Variants in SCGB3A2 observed in about 807,000 individuals in gnomAD.
SCGB3A2 encodes pneumo secretory protein 1.
Under a neutral mutation model 7.7 loss-of-function variants are expected in SCGB3A2, and 5 were observed. That is an observed-to-expected ratio of 0.65 (90% CI 0.34 to 1.36). The LOEUF (loss-of-function observed/expected upper bound fraction) is 1.36. Ranked by LOEUF, SCGB3A2 falls within the 40% of genes most tolerant of loss-of-function variation. The pLI is 0.04. For missense variants in SCGB3A2, 109 were observed against 103.6 expected (o/e 1.05, Z -0.23); for synonymous variants, 44 against 42.7 (o/e 1.03, Z -0.12).
Position 147,878,738 on chromosome 5 carries a change from G to A in SCGB3A2, c.-66G>A. On this transcript the variant is annotated 5_prime_UTR_variant, in exon 1 of 3. Transcript: ENST00000296694. ...ACTTTGTATGGCAAGTGGAACCACT[G>A]GCTTGGTGGATTTTGCTAGATTTTT... 1 of 1,260,982 alleles carries A rather than the reference G, an allele frequency of 7.9e-7. No homozygotes were observed. The allele number at this position is 1,260,982 out of a possible 1,614,324, so 78.1% of individuals were successfully genotyped here. A position where few individuals can be genotyped will look rare whatever the true frequency, so the allele number is the denominator to read the frequency against.
At chr5:147,878,937 C>A (rs1757303231) in intron 1 of SCGB3A2, 79 bp downstream of exon 1, 1 of 967,048 alleles carries the variant, frequency 1.0e-6, no homozygotes, top group South Asian at 1.4e-5. Context: ...GTAAGCCTTG[C>A]CTCACTGACA....
Position 147,881,452 on chromosome 5 carries a change from C to T in SCGB3A2, c.62C>T (p.Ala21Val). The change falls in exon 2 of 3, where the codon GCC (alanine) becomes GTC (valine). Residue 21 changes from alanine to valine, a missense_variant. Ala to Val is a moderately conservative substitution (Grantham distance 64, BLOSUM62 0). Coordinates refer to ENST00000296694, the MANE Select transcript of SCGB3A2 (RefSeq NM_054023.5). ...TISLCSYSATAFLINKVPLPV... is the reference protein window; with the variant it reads ...TISLCSYSATVFLINKVPLPV... ...GTTTCTCTTTTTCCTGCAGCTACTG[C>T]CTTCCTCATCAACAAAGTGCCCCTT... The T allele has an allele frequency of 6.2e-7, 1 of 1,613,794 alleles. No homozygotes were observed. Among genetic ancestry groups the T allele is most frequent in the Non-Finnish European group, 8.5e-7 (1 of 1,179,766 alleles).
rs1455894954 is a variant in SCGB3A2, at chr5:147,881,577, C to A, written c.187C>A (p.Leu63Ile). 30 of 1,613,786 alleles carry A rather than the reference C, an allele frequency of 1.9e-5. No homozygotes were observed. Among genetic ancestry groups the A allele is most frequent in the Non-Finnish European group, 2.2e-5 (26 of 1,179,918 alleles). Residue 63 changes from leucine to isoleucine, a missense_variant, in exon 2 of 3, where the codon CTT becomes ATT. Leu to Ile is a conservative substitution (Grantham distance 5). Transcript: ENST00000296694. ...AACTCTGGGCATTTCTGTTGAGCAC[C>A]TTGTGGAGGGGCTAAGGAAGTGTGT... ...LKTLGISVEHLVEGLRKCVNE... is the reference protein window; with the variant it reads ...LKTLGISVEHIVEGLRKCVNE...
chr5:147,879,681 AAG>A (rs1375423481), intron 1 of SCGB3A2, among the ~76,000 whole-genome samples: 2 of 152,324 alleles, frequency 1.3e-5, no homozygotes, highest in Middle Eastern at 3.4e-3. Context: ...ACATGGGAAA[AAG>A]AGATTTCATG....
chr5:147,878,917 A>T, intron 1 of SCGB3A2, 59 bp downstream of exon 1: 2 of 1,207,626 alleles, frequency 1.7e-6, no homozygotes, highest in Non-Finnish European at 2.5e-6. Context: ...TGTTAATAAG[A>T]GCACAACTAG....
intron 1 of SCGB3A2, among the ~76,000 whole-genome samples, chr5:147,880,354 A>T (rs1169941893): frequency 6.6e-6 from 1 of 152,082 alleles, no homozygotes; most frequent in African/African-American, 2.4e-5. Context: ...AAAAAAATCC[A>T]AACTCCTTTG....
In SCGB3A2 at chr5:147,881,490, T is replaced by C; in HGVS notation, c.100T>C (p.Leu34=). The C allele has an allele frequency of 6.2e-7, 1 of 1,614,040 alleles. No individual in the cohort carries two copies. Among genetic ancestry groups the C allele is most frequent in the African/African-American group, 1.3e-5 (1 of 75,030 alleles). Residue 34 remains leucine (L), a synonymous_variant, in exon 2 of 3, where the codon TTG becomes CTG. Coordinates refer to ENST00000296694, the MANE Select transcript of SCGB3A2 (RefSeq NM_054023.5). The part of the protein sequence containing the change: ...INKVPLPVDK[L]APLPLDNILP... Reference sequence around the variant, plus strand: ...CAAAGTGCCCCTTCCTGTTGACAAGTTGGCACCTTTACCTCTGGACAACAT... The same window carrying C: ...CAAAGTGCCCCTTCCTGTTGACAAGCTGGCACCTTTACCTCTGGACAACAT...
chr5:147,881,853 T>C (rs115563624), intron 2 of SCGB3A2, among the ~76,000 whole-genome samples, 174 bp from the exon 3 acceptor site: 2,179 of 152,344 alleles, frequency 0.014, 57 homozygotes, highest in African/African-American at 0.049. Flanking sequence ...TGTGTTATAG[T>C]TGTGACAATA....
chr5:147,881,946 G>A, intron 2 of SCGB3A2, 81 bp from the exon 3 acceptor site: 3 of 1,474,602 alleles, frequency 2.0e-6, no homozygotes, highest in South Asian at 1.1e-5. Flanking sequence ...TGGCCAAACA[G>A]GACACTGGAA....
chr5:147,880,011 G>A (rs1364738068), intron 1 of SCGB3A2, among the ~76,000 whole-genome samples: 2 of 152,106 alleles, frequency 1.3e-5, no homozygotes, highest in Non-Finnish European at 2.9e-5. Context: ...TGAGAATTTT[G>A]GAGGGACAAT....
chr5:147,881,938 G>A (rs1003017515), intron 2 of SCGB3A2, 89 bp from the exon 3 acceptor site: 3 of 1,411,812 alleles, frequency 2.1e-6, no homozygotes, highest in Non-Finnish European at 3.0e-6. Context: ...TAAAATAGTG[G>A]CCAAACAGGA....
chr5:147,881,150 T>G, intron 1 of SCGB3A2: 2 of 317,794 alleles, frequency 6.3e-6, no homozygotes, highest in Non-Finnish European at 5.8e-6. Flanking sequence ...TTTTTTTAGG[T>G]AATGGTAAGA....
chr5:147,881,301 T>G (rs971063440), intron 1 of SCGB3A2, 145 bp from the exon 2 acceptor site: 2 of 670,646 alleles, frequency 3.0e-6, no homozygotes, highest in African/African-American at 3.6e-5. Flanking sequence ...GAACAGCAGG[T>G]GCAAAGGGCC....
At chr5:147,878,939 T>G (rs564837835) in intron 1 of SCGB3A2, 81 bp downstream of exon 1, 2 of 935,910 alleles carry the variant, frequency 2.1e-6, no homozygotes, top group Middle Eastern at 2.2e-4. Flanking sequence ...AAGCCTTGCC[T>G]CACTGACAGT....
chr5:147,880,656 G>C (rs1247412121), intron 1 of SCGB3A2: 1 of 152,210 alleles, frequency 6.6e-6, no homozygotes, highest in Non-Finnish European at 1.5e-5. Flanking sequence ...GTTAGAATTA[G>C]TCATCCCTTT....
intron 1 of SCGB3A2, among the ~76,000 whole-genome samples, chr5:147,879,980 A>G (rs528274385): frequency 1.1e-4 from 17 of 152,302 alleles, no homozygotes; most frequent in African/African-American, 4.1e-4. Flanking sequence ...GGTGGGGAAA[A>G]TAAATACCGC....
intron 2 of SCGB3A2, 33 bp from the exon 3 acceptor site, chr5:147,881,993 CT>C: frequency 6.2e-7 from 1 of 1,610,952 alleles, no homozygotes; most frequent in Non-Finnish European, 8.5e-7. Context: ...TACATGTAAG[CT>C]GCTCTAAATT....
chr5:147,881,309 G>A, intron 1 of SCGB3A2, 137 bp from the exon 2 acceptor site: 1 of 711,740 alleles, frequency 1.4e-6, no homozygotes, highest in Non-Finnish European at 2.4e-6. Flanking sequence ...GGTGCAAAGG[G>A]CCAGAGGTAG....
Position 147,881,507 on chromosome 5 carries a change from G to A in SCGB3A2, c.117G>A (p.Leu39=). 1.2e-6 allele frequency: 2 copies of A among 1,613,978 alleles called. No individual in the cohort carries two copies. Among genetic ancestry groups the A allele is most frequent in the Non-Finnish European group, 1.7e-6 (2 of 1,179,934 alleles). ...TTGACAAGTTGGCACCTTTACCTCT[G>A]GACAACATTCTTCCCTTTATGGATC... ...LPVDKLAPLP[L]DNILPFMDPL... The change falls in exon 2 of 3, where the codon CTG becomes CTA. Residue 39 remains leucine (L), a synonymous_variant. Coordinates refer to ENST00000296694, the MANE Select transcript of SCGB3A2 (RefSeq NM_054023.5).
Sources: gnomAD v4.1 joint callset for allele counts (sites outside exome capture counted in the v4.1 genomes callset) on GRCh38, gnomAD v4.1.1 for gene constraint, MANE v1.5 for transcripts, NCBI Gene and HGNC (gene_info 2026-07-23, HGNC 2026-07-21) for gene names.